The following PRKCA variants were observed in gnomAD, a reference collection of about 807,000 sequenced individuals.
PRKCA encodes the protein protein kinase C alpha type.
In PRKCA, 27 loss-of-function variants were observed where a neutral mutation model predicts 87.0. That is an observed-to-expected ratio of 0.31 (90% CI 0.23 to 0.43). PRKCA has a LOEUF of 0.43. PRKCA is among the 20% of genes least tolerant of loss of function. The pLI is 1.00. For synonymous variants in PRKCA, 329 were observed against 311.1 expected (o/e 1.06, Z -0.61); for missense variants, 518 against 852.3 (o/e 0.61, Z 4.88).
At chr17:66,785,990 G>T (rs761185716) in intron 14 of PRKCA, among the ~76,000 whole-genome samples, 1 of 152,120 alleles carries the variant, frequency 6.6e-6, no homozygotes, top group Non-Finnish European at 1.5e-5. Context: ...CACCATGCCC[G>T]GCTAATTTTT....
At chr17:66,764,216 C>T (rs1974748921) in intron 13 of PRKCA, among the ~76,000 whole-genome samples, 1 of 152,218 alleles carries the variant, frequency 6.6e-6, no homozygotes, top group African/African-American at 2.4e-5. Context: ...CGGCACATGC[C>T]TACTGTGGTG....
intron 13 of PRKCA, among the ~76,000 whole-genome samples, chr17:66,759,979 T>C (rs953595829): frequency 1.3e-5 from 2 of 152,232 alleles, no homozygotes; most frequent in African/African-American, 4.8e-5. Flanking sequence ...CTATTTTATT[T>C]GAAGGCTTCA....
intron 3 of PRKCA, among the ~76,000 whole-genome samples, chr17:66,587,893 G>GTATATATATATATA (rs1315328922): frequency 5.8e-5 from 3 of 51,636 alleles, no homozygotes; most frequent in Non-Finnish European, 1.2e-4. Context: ...GTGTGTGTGT[G>GTATATATATATATA]TGTATATATA....
chr17:66,804,856 A>G lies in PRKCA; in HGVS notation c.*819A>G. On this transcript the variant is annotated 3_prime_UTR_variant, in exon 17 of 17. Coordinates refer to ENST00000413366, the MANE Select transcript of PRKCA (RefSeq NM_002737.3). ...TTAATCTCTGGGAGATTATTTTTCCATCCAGGGTGCCATCAGTAATCATGC... is the reference window on the plus strand; with the variant it reads ...TTAATCTCTGGGAGATTATTTTTCCGTCCAGGGTGCCATCAGTAATCATGC... 1.2e-5 allele frequency: 3 copies of G among 257,644 alleles called. No individual in the cohort carries two copies. Among genetic ancestry groups the G allele is most frequent in the Non-Finnish European group, 1.8e-5 (3 of 164,478 alleles). The allele number at this position is 257,644 out of a possible 1,614,324, so 16.0% of individuals were successfully genotyped here.
chr17:66,303,146 C>G, intron 1 of PRKCA, 122 bp downstream of exon 1: 1 of 1,326,372 alleles, frequency 7.5e-7, no homozygotes, highest in South Asian at 1.5e-5. Flanking sequence ...GGCGGGAGTC[C>G]GAACTCTTCG....
chr17:66,769,813 G>A (rs7220574), intron 13 of PRKCA, among the ~76,000 whole-genome samples: 12,224 of 152,118 alleles, frequency 0.08, 711 homozygotes, highest in East Asian at 0.2. Flanking sequence ...CGTTGGGCTC[G>A]TTAATCCTTT....
intron 2 of PRKCA, among the ~76,000 whole-genome samples, chr17:66,384,153 GAACGAACA>G (rs1293167284): frequency 6.6e-6 from 1 of 152,064 alleles, no homozygotes; most frequent in African/African-American, 2.4e-5. Flanking sequence ...TATTAAATAT[GAACGAACA>G]AACTTCTGCC....
chr17:66,479,948 C>A (rs191472691), intron 2 of PRKCA, among the ~76,000 whole-genome samples: 1 of 151,242 alleles, frequency 6.6e-6, no homozygotes, highest in Non-Finnish European at 1.5e-5. Context: ...GTACAGCAAA[C>A]CCCCATGACA....
At chr17:66,586,286 C>A (rs556145793) in intron 3 of PRKCA, among the ~76,000 whole-genome samples, 1 of 152,304 alleles carries the variant, frequency 6.6e-6, no homozygotes, top group South Asian at 2.1e-4. Flanking sequence ...CTTTACCTAA[C>A]TTGTGACATC....
chr17:66,714,474 A>G (rs1286985878), intron 8 of PRKCA, among the ~76,000 whole-genome samples: 1 of 152,122 alleles, frequency 6.6e-6, no homozygotes, highest in Non-Finnish European at 1.5e-5. Flanking sequence ...AAGTCCCCTG[A>G]GGGCAGCTGG....
intron 2 of PRKCA, among the ~76,000 whole-genome samples, chr17:66,495,951 A>T (rs1360284752): frequency 6.6e-6 from 1 of 152,112 alleles, no homozygotes; most frequent in African/African-American, 2.4e-5. Context: ...CCTCTCCCTC[A>T]ACTTCAGAGA....
At chr17:66,419,330 T>A (rs1912357001) in intron 2 of PRKCA, among the ~76,000 whole-genome samples, 1 of 152,180 alleles carries the variant, frequency 6.6e-6, no homozygotes, top group Non-Finnish European at 1.5e-5. Context: ...TTGAAAAACC[T>A]CAGTACCCTT....
intron 2 of PRKCA, among the ~76,000 whole-genome samples, chr17:66,466,519 G>C (rs1180155132): frequency 6.6e-6 from 1 of 152,046 alleles, no homozygotes; most frequent in Non-Finnish European, 1.5e-5. Flanking sequence ...CTTCCTCCAC[G>C]TTTTCTTCTC....
chr17:66,434,139 C>T (rs534969687), intron 2 of PRKCA, among the ~76,000 whole-genome samples: 5 of 151,974 alleles, frequency 3.3e-5, no homozygotes, highest in Non-Finnish European at 5.9e-5. Context: ...TTGTCAGGTG[C>T]CAGCAGGAAC....
chr17:66,793,616 AC>A lies in PRKCA; in HGVS notation c.1854+4639del, dbSNP rs765098576. ...AAAAAAAAAAAAAAAAAAAAAAAAA[AC>A]CGGAATGTTCAGAAGAGTCTAGGTA... On this transcript the variant is annotated intron_variant, in intron 16 of 16. Coordinates refer to ENST00000413366, the MANE Select transcript of PRKCA (RefSeq NM_002737.3). 2.1e-4 allele frequency among the ~76,000 whole-genome samples: 25 copies of A among 117,682 alleles called. 2 individuals are homozygous for A. Among genetic ancestry groups the A allele is most frequent in the African/African-American group, 9.4e-4 (22 of 23,522 alleles). 77.2% of individuals were successfully genotyped at this position (117,682 alleles called of 152,430 possible). A position where few individuals can be genotyped will look rare whatever the true frequency, so the allele number is the denominator to read the frequency against.
At chr17:66,405,671 T>C (rs1394031786) in intron 2 of PRKCA, among the ~76,000 whole-genome samples, 1 of 152,244 alleles carries the variant, frequency 6.6e-6, no homozygotes, top group Non-Finnish European at 1.5e-5. Context: ...AAAGCATGTT[T>C]CTCTAAGGGT....
chr17:66,418,679 T>A (rs919699987), intron 2 of PRKCA, among the ~76,000 whole-genome samples: 1 of 152,052 alleles, frequency 6.6e-6, no homozygotes, highest in African/African-American at 2.4e-5. Context: ...TCAAGTGATC[T>A]TCCAGCCCCA....
At chr17:66,467,443 C>G (rs1915134681) in intron 2 of PRKCA, among the ~76,000 whole-genome samples, 1 of 152,158 alleles carries the variant, frequency 6.6e-6, no homozygotes, top group Non-Finnish European at 1.5e-5. Flanking sequence ...GCTTAGTTTT[C>G]ATTGTGAACA....
In PRKCA at chr17:66,738,827, G is replaced by A; in HGVS notation, c.1294G>A (p.Val432Ile). 2 of 1,613,806 alleles carry A rather than the reference G, an allele frequency of 1.2e-6. No individual in the cohort carries two copies. Among genetic ancestry groups the A allele is most frequent in the South Asian group, 2.2e-5 (2 of 91,008 alleles). Residue 432 changes from valine to isoleucine, a missense_variant, in exon 11 of 17, where the codon GTA becomes ATA. Val to Ile is a conservative substitution (Grantham distance 29, BLOSUM62 3). This residue lies in a region of PRKCA where 300 missense variants were observed against 496.8 expected (regional missense o/e 0.60). Coordinates refer to ENST00000413366, the MANE Select transcript of PRKCA (RefSeq NM_002737.3). ...GGACCTCATGTACCACATTCAGCAAGTAGGAAAATTTAAGGAACCACAAGC... is the reference window on the plus strand; with the variant it reads ...GGACCTCATGTACCACATTCAGCAAATAGGAAAATTTAAGGAACCACAAGC... ...GGDLMYHIQQ[V>I]GKFKEPQAVF...
Sources: gnomAD v4.1 joint callset for allele counts (sites outside exome capture counted in the v4.1 genomes callset) on GRCh38, gnomAD v4.1.1 for gene constraint, gnomAD v4.1.1 regional missense constraint, MANE v1.5 for transcripts, NCBI Gene and HGNC (gene_info 2026-07-23, HGNC 2026-07-21) for gene names.